Variants in FBXL7 observed in about 807,000 individuals in gnomAD.
FBXL7 encodes the protein F-box and leucine rich repeat protein 7.
A neutral mutation model predicts 38.3 loss-of-function variants in FBXL7; 12 were observed. The ratio of observed to expected loss-of-function variants is 0.31; its 90% confidence interval spans 0.20 to 0.51. The LOEUF (loss-of-function observed/expected upper bound fraction) is 0.51. Among genes scored for constraint, FBXL7 ranks in the 20% least tolerant of loss-of-function variants. The probability of loss-of-function intolerance (pLI) is 0.98; values close to 1 mark genes in which losing one functional copy is unlikely to be tolerated. For synonymous variants in FBXL7, 297 were observed against 300.9 expected, an observed-to-expected ratio of 0.99 and a Z score of 0.13; for missense variants, 567 against 676.4, an observed-to-expected ratio of 0.84 and a Z score of 1.79.
At chr5:15,663,492 AT>A (rs569716475) in intron 2 of FBXL7, among the ~76,000 whole-genome samples, 205 of 152,278 alleles carry the variant, frequency 1.3e-3, no homozygotes, top group African/African-American at 4.4e-3. Flanking sequence ...TTTGAGGTAT[AT>A]TCCTTCGATG....
intron 1 of FBXL7, among the ~76,000 whole-genome samples, chr5:15,600,073 T>C (rs1739745515): frequency 6.6e-6 from 1 of 152,254 alleles, no homozygotes; most frequent in Non-Finnish European, 1.5e-5. Flanking sequence ...AGCTTCATGC[T>C]GCCTCATAGG....
chr5:15,687,706 T>C (rs888588975), intron 2 of FBXL7, among the ~76,000 whole-genome samples: 18 of 152,356 alleles, frequency 1.2e-4, no homozygotes, highest in African/African-American at 3.8e-4. Context: ...GAGGAAATGC[T>C]TCTGTTCCAC....
At chr5:15,801,634 A>AGTGTGTGT (rs71605509) in intron 2 of FBXL7, among the ~76,000 whole-genome samples, 2,056 of 147,744 alleles carry the variant, frequency 0.014, 44 homozygotes, top group African/African-American at 0.049. Flanking sequence ...AGGGGGAGTC[A>AGTGTGTGT]GTGTGTGTGT....
At chr5:15,742,036 T>C (rs1735906085) in intron 2 of FBXL7, among the ~76,000 whole-genome samples, 1 of 152,176 alleles carries the variant, frequency 6.6e-6, no homozygotes. Flanking sequence ...GACGAATAAA[T>C]TATTAAATGC....
At chr5:15,598,937 AT>A (rs890557200) in intron 1 of FBXL7, among the ~76,000 whole-genome samples, 10 of 152,168 alleles carry the variant, frequency 6.6e-5, no homozygotes, top group Non-Finnish European at 1.2e-4. Context: ...ATTGAGGGCA[AT>A]TGCTGCATTC....
At chr5:15,672,496 A>T (rs1471282273) in intron 2 of FBXL7, among the ~76,000 whole-genome samples, 3 of 151,582 alleles carry the variant, frequency 2.0e-5, no homozygotes, top group Admixed American at 2.0e-4. Flanking sequence ...TGGAAATAAC[A>T]TTCTAGGAAG....
At chr5:15,797,044 A>T (rs78169660) in intron 2 of FBXL7, among the ~76,000 whole-genome samples, 2,522 of 152,310 alleles carry the variant, frequency 0.017, 74 homozygotes, top group African/African-American at 0.057. Flanking sequence ...GCTTTAAAAA[A>T]TACCAATTAT....
intron 2 of FBXL7, among the ~76,000 whole-genome samples, chr5:15,845,585 C>T (rs559058313): frequency 3.3e-5 from 5 of 152,154 alleles, no homozygotes; most frequent in African/African-American, 1.2e-4. Context: ...AGCAAAATGC[C>T]ATGTTTCATA....
chr5:15,683,426 C>CG (rs1742914391), intron 2 of FBXL7, among the ~76,000 whole-genome samples: 1 of 152,152 alleles, frequency 6.6e-6, no homozygotes, highest in African/African-American at 2.4e-5. Flanking sequence ...CTCCGTCACC[C>CG]CCAGGCGGAG....
chr5:15,541,404 A>ATG (rs3033686), intron 1 of FBXL7, among the ~76,000 whole-genome samples: 2,445 of 135,744 alleles, frequency 0.018, 133 homozygotes, highest in African/African-American at 0.065. Flanking sequence ...ATCCATATAT[A>ATG]TGTGTATATA....
chr5:15,593,930 T>A (rs944545772), intron 1 of FBXL7, among the ~76,000 whole-genome samples: 6 of 152,224 alleles, frequency 3.9e-5, no homozygotes, highest in African/African-American at 1.4e-4. Flanking sequence ...GAAATGTTTA[T>A]AATTAGTTTG....
intron 2 of FBXL7, among the ~76,000 whole-genome samples, chr5:15,751,999 G>A (rs1736166511): frequency 6.6e-6 from 1 of 152,128 alleles, no homozygotes; most frequent in African/African-American, 2.4e-5. Flanking sequence ...CCTCACTAAG[G>A]AATTATAAGT....
intron 1 of FBXL7, among the ~76,000 whole-genome samples, chr5:15,557,310 TTGC>T (rs1396408292): frequency 2.0e-5 from 3 of 152,220 alleles, no homozygotes; most frequent in African/African-American, 7.2e-5. Flanking sequence ...TTTATTGGCC[TTGC>T]TGCTAAGCCC....
At chr5:15,512,485 A>G (rs1291084440) in intron 1 of FBXL7, among the ~76,000 whole-genome samples, 13 of 152,338 alleles carry the variant, frequency 8.5e-5, no homozygotes, top group Admixed American at 7.8e-4. Context: ...TATTGAGTCT[A>G]GGAAAACACC....
chr5:15,768,473 G>A (rs1389597600), intron 2 of FBXL7, among the ~76,000 whole-genome samples: 1 of 151,918 alleles, frequency 6.6e-6, no homozygotes, highest in African/African-American at 2.4e-5. Context: ...GGAGGTCGCA[G>A]TGAGCCGAGA....
chr5:15,709,681 T>TA (rs1389571719), intron 2 of FBXL7, among the ~76,000 whole-genome samples: 1 of 152,192 alleles, frequency 6.6e-6, no homozygotes, highest in African/African-American at 2.4e-5. Context: ...CCTTCTGTCT[T>TA]AGTTTGTTTA....
chr5:15,935,196 G>A (rs753499713), intron 3 of FBXL7: 7 of 534,790 alleles, frequency 1.3e-5, no homozygotes, highest in South Asian at 8.4e-5. Flanking sequence ...AGATCCTTGG[G>A]AGCCCTGTTA....
At chr5:15,514,579 T>C (rs1439604668) in intron 1 of FBXL7, among the ~76,000 whole-genome samples, 2 of 152,370 alleles carry the variant, frequency 1.3e-5, no homozygotes, top group Admixed American at 6.5e-5. Context: ...GGCCTTGGGA[T>C]ACTAAAATTG....
rs539915674 is a variant in FBXL7 at position 15,876,317 on chromosome 5, G to T, written c.128-51573G>T. Among the ~76,000 whole-genome samples the T allele has an allele frequency of 9.2e-5, 14 of 152,096 alleles. 1 individual carries two copies. The highest frequency in any genetic ancestry group is 3.4e-4 in the African/African-American group (14 of 41,502). ...TAATGTAGATGACGGGTTGATGGGT[G>T]CAGCAAACCACCATGGCACATGTAT... On this transcript the variant is annotated intron_variant, in intron 2 of 3. Coordinates refer to ENST00000504595, the MANE Select transcript of FBXL7 (RefSeq NM_012304.5).
Sources: gnomAD v4.1 joint callset for allele counts (sites outside exome capture counted in the v4.1 genomes callset) on GRCh38, gnomAD v4.1.1 for gene constraint, MANE v1.5 for transcripts, NCBI Gene and HGNC (gene_info 2026-07-23, HGNC 2026-07-21) for gene names.